Variants in IL12RB1 observed in about 807,000 individuals in gnomAD.
The protein encoded by IL12RB1 is interleukin 12 receptor subunit beta 1, also known as interleukin-12 receptor subunit beta-1.
In IL12RB1, 64 loss-of-function variants were observed where a neutral mutation model predicts 94.4. The ratio of observed to expected loss-of-function variants is 0.68; its 90% CI spans 0.55 to 0.83. The LOEUF is 0.83. Ranked by LOEUF, IL12RB1 falls within the 40% of genes least tolerant of loss-of-function variation. IL12RB1 has a pLI of 0.00. For missense variants in IL12RB1, 814 were observed against 855.6 expected (o/e 0.95, Z 0.61); for synonymous variants, 362 against 355.5 (o/e 1.02, Z -0.21).
At chr19:18,067,042 G>C (rs2146178520) in intron 11 of IL12RB1, among the ~76,000 whole-genome samples, 1 of 130,672 alleles carries the variant, frequency 7.7e-6, no homozygotes, top group East Asian at 2.3e-4. Context: ...AAAAAAAAAA[G>C]CCCAGCCACG....
intron 8 of IL12RB1, 23 bp from the exon 9 acceptor site, chr19:18,072,372 C>T (rs1374234414): frequency 1.4e-6 from 2 of 1,473,802 alleles, no homozygotes; most frequent in East Asian, 2.3e-5. Flanking sequence ...TGAAAGACAG[C>T]TTGTGGGTAC....
At chr19:18,097,771 T>C in intron 1 of IL12RB1, 1 of 1,207,942 alleles carries the variant, frequency 8.3e-7, no homozygotes, top group Non-Finnish European at 1.0e-6. Flanking sequence ...GGGGCGGGCC[T>C]GGCGGCGCGG....
At chr19:18,080,385 C>G (rs1014434120) in intron 4 of IL12RB1, among the ~76,000 whole-genome samples, 1 of 152,066 alleles carries the variant, frequency 6.6e-6, no homozygotes, top group East Asian at 1.9e-4. Flanking sequence ...ACTACAGGCG[C>G]GCGTGGCCAC....
At chr19:18,098,214 A>G (rs1046089934) in intron 1 of IL12RB1, among the ~76,000 whole-genome samples, 1 of 152,158 alleles carries the variant, frequency 6.6e-6, no homozygotes, top group Non-Finnish European at 1.5e-5. Context: ...ATATGTATTA[A>G]TACCTCCTTG....
intron 3 of IL12RB1, among the ~76,000 whole-genome samples, 192 bp downstream of exon 3, chr19:18,081,958 T>G (rs1172012977): frequency 6.6e-6 from 1 of 152,106 alleles, no homozygotes; most frequent in South Asian, 2.1e-4. Flanking sequence ...CCACCCACCC[T>G]GGGATGCCTA....
chr19:18,064,329 C>T (rs2034409962), intron 12 of IL12RB1, among the ~76,000 whole-genome samples: 1 of 150,588 alleles, frequency 6.6e-6, no homozygotes, highest in Admixed American at 6.6e-5. Flanking sequence ...GTAGTAGAGA[C>T]GGGGTTTCAC....
At chr19:18,080,430 G>T (rs2035810681) in intron 4 of IL12RB1, among the ~76,000 whole-genome samples, 1 of 152,000 alleles carries the variant, frequency 6.6e-6, no homozygotes, top group Non-Finnish European at 1.5e-5. Context: ...ATAGAGATGG[G>T]GTTTCACCAT....
upstream of IL12RB1, among the ~76,000 whole-genome samples, chr19:18,089,834 C>T (rs947715786): frequency 3.9e-5 from 6 of 152,164 alleles, no homozygotes; most frequent in Non-Finnish European, 7.3e-5. Flanking sequence ...AGCCTGGCTC[C>T]GAGGGGCAGC....
chr19:18,086,039 G>A lies in IL12RB1; in HGVS notation c.64+721C>T, dbSNP rs187472936. On this transcript the variant is annotated intron_variant, in intron 1 of 16. Coordinates refer to ENST00000593993, the MANE Select transcript of IL12RB1 (RefSeq NM_005535.3). ...GAGACCAGCCTGGGCAACACAGCGA[G>A]ACGCTGTCTCTGTAAAAAGTATACA... Among the ~76,000 whole-genome samples the A allele has an allele frequency of 1.7e-3, 261 of 152,054 alleles. 2 individuals are homozygous for A. The highest frequency in any genetic ancestry group is 8.7e-3 in the South Asian group (42 of 4,816).
intron 1 of IL12RB1, among the ~76,000 whole-genome samples, chr19:18,096,072 A>C (rs960727717): frequency 7.9e-5 from 12 of 151,910 alleles, no homozygotes; most frequent in East Asian, 1.9e-4. Context: ...AAAAAAACCC[A>C]AAAAAATTAG....
chr19:18,093,342 A>ATATATATATATATATATATATT (rs770713233), intron 1 of IL12RB1, among the ~76,000 whole-genome samples: 6 of 149,714 alleles, frequency 4.0e-5, no homozygotes, highest in African/African-American at 1.5e-4. Flanking sequence ...ATATATATAT[A>ATATATATATATATATATATATT]TATATACTTG....
In IL12RB1 at chr19:18,059,580, G is replaced by C; in HGVS notation, c.*28C>G. On this transcript the variant is annotated 3_prime_UTR_variant, in exon 17 of 17. Coordinates refer to ENST00000593993, the MANE Select transcript of IL12RB1 (RefSeq NM_005535.3). ...GTGTGTGCTACGTAGCCTCGGGCGA[G>C]TCACTCACCCTCTCTGAGCCTCAAC... 1 of 780,250 alleles carries C rather than the reference G, an allele frequency of 1.3e-6. No homozygotes were observed. The highest frequency in any genetic ancestry group is 2.4e-6 in the Non-Finnish European group (1 of 417,710). The allele number at this position is 780,250 out of a possible 1,614,324, so 48.3% of individuals were successfully genotyped here.
Position 18,061,076 on chromosome 19 carries a change from A to G in IL12RB1, c.1791+46T>C, listed in dbSNP as rs383483. 0.48 allele frequency: 468,614 copies of G among 968,378 alleles called. 116,140 individuals are homozygous for G. Among genetic ancestry groups the G allele is most frequent in the African/African-American group, 0.52 (32,196 of 62,266 alleles). The allele number at this position is 968,378 out of a possible 1,614,324, so 60.0% of individuals were successfully genotyped here. ...AGCTAATGCGTAACCCTTGTCCAGC[A>G]TGTGCACCCAATAAAAAGACTTGGA... On this transcript the variant is annotated intron_variant, in intron 15 of 16. Transcript: ENST00000593993.
chr19:18,080,947 C>T lies in IL12RB1; in HGVS notation c.294G>A (p.Gln98=). ...CAGACACCCCAGCCTGGTCGGAGAA[C>T]TGCAGCCTGGTGGCTGAGCCGGCGG... ...YFAAGSATRL[Q]FSDQAGVSVL... Residue 98 remains glutamine, a synonymous_variant, in exon 4 of 17, where the codon CAG becomes CAA. Transcript: ENST00000593993. The T allele has an allele frequency of 6.2e-7, 1 of 1,613,942 alleles. No homozygotes were observed. Among genetic ancestry groups the T allele is most frequent in the South Asian group, 1.1e-5 (1 of 91,070 alleles).
At chr19:18,063,087 T>C in intron 13 of IL12RB1, among the ~76,000 whole-genome samples, 1 of 33,474 alleles carries the variant, frequency 3.0e-5, no homozygotes, top group Non-Finnish European at 1.0e-4. Flanking sequence ...TATTTTTTTT[T>C]TTTTTTTTTT....
rs1175476350 is a variant in IL12RB1, at chr19:18,080,910, C to T, written c.331G>A (p.Val111Ile). 6.2e-7 allele frequency: 1 copy of T among 1,613,486 alleles called. No homozygotes were observed. The highest frequency in any genetic ancestry group is 2.2e-5 in the East Asian group (1 of 44,884). The change falls in exon 4 of 17, where the codon GTC becomes ATC. Residue 111 changes from valine to isoleucine, a missense_variant. Physicochemically the swap from Val to Ile is conservative, Grantham distance 29. Coordinates refer to ENST00000593993, the MANE Select transcript of IL12RB1 (RefSeq NM_005535.3). ...GCCCAGGATTCCACCCAGAGTGTGA[C>T]AGTGTACAGCACAGACACCCCAGCC... ...DQAGVSVLYT[V>I]TLWVESWARN... is the part of the protein sequence containing the mutation.
chr19:18,069,563 G>A lies in IL12RB1; in HGVS notation c.1172C>T (p.Pro391Leu), dbSNP rs140254802. Residue 391 changes from proline (P) to leucine (L), a missense_variant, in exon 10 of 17, where the codon CCG becomes CTG. Coordinates refer to ENST00000593993, the MANE Select transcript of IL12RB1 (RefSeq NM_005535.3). Reference sequence around the variant, plus strand: ...GCCATTACCCATTCCAGCCGGATCCGGGTCTTGCGGCGCAGTCAGGCTGCA... The same window carrying A: ...GCCATTACCCATTCCAGCCGGATCCAGGTCTTGCGGCGCAGTCAGGCTGCA... Reference protein sequence around the residue: ...ATCSLTAPQDPDPAGMATYSW... With the variant: ...ATCSLTAPQDLDPAGMATYSW... 1.8e-3 allele frequency: 2,928 copies of A among 1,610,118 alleles called. 4 individuals carry two copies. The highest frequency in any genetic ancestry group is 2.3e-3 in the Non-Finnish European group (2,727 of 1,179,712).
At chr19:18,097,366 GT>G (rs1251826102) in intron 1 of IL12RB1, among the ~76,000 whole-genome samples, 2 of 151,506 alleles carry the variant, frequency 1.3e-5, no homozygotes, top group African/African-American at 4.8e-5. Flanking sequence ...TTTTGTTTTG[GT>G]TTTTTTTGTT....
rs144192488 is a variant in IL12RB1, at chr19:18,069,574, C to T, written c.1161G>A (p.Ala387=). The T allele has an allele frequency of 1.6e-5, 26 of 1,611,138 alleles. No individual in the cohort carries two copies. Among genetic ancestry groups the T allele is most frequent in the East Asian group, 1.6e-4 (7 of 44,876 alleles). The change falls in exon 10 of 17, where the codon GCG becomes GCA. Residue 387 remains alanine (A), a synonymous_variant. Transcript: ENST00000593993. ...DGGLATCSLT[A]PQDPDPAGMA... Reference sequence around the variant, plus strand: ...TTCCAGCCGGATCCGGGTCTTGCGGCGCAGTCAGGCTGCAGGTGGCAAGGC... The same window carrying T: ...TTCCAGCCGGATCCGGGTCTTGCGGTGCAGTCAGGCTGCAGGTGGCAAGGC...
Sources: gnomAD v4.1 joint callset for allele counts (sites outside exome capture counted in the v4.1 genomes callset) on GRCh38, gnomAD v4.1.1 for gene constraint, MANE v1.5 for transcripts, NCBI Gene and HGNC (gene_info 2026-07-23, HGNC 2026-07-21) for gene names.